Variants in ADAM7 observed in about 807,000 individuals in gnomAD.
ADAM7 encodes the protein disintegrin and metalloproteinase domain-containing protein 7.
In ADAM7, 97 loss-of-function variants were observed where a neutral mutation model predicts 102.9. That is an observed-to-expected ratio of 0.94 (90% confidence interval 0.80 to 1.12). The LOEUF is 1.12. Among genes scored for constraint, ADAM7 ranks in the 50% most tolerant of loss-of-function variants. The pLI is 0.00. For synonymous variants in ADAM7, 334 were observed against 304.4 expected (o/e 1.10, Z -1.01); for missense variants, 991 against 908.7 (o/e 1.09, Z -1.16).
chr8:24,504,700 G>A lies in ADAM7; in HGVS notation c.2209-2780G>A, dbSNP rs139329141. 1.9e-3 allele frequency among the ~76,000 whole-genome samples: 287 copies of A among 152,088 alleles called. 7 individuals carry two copies. The East Asian group carries it at 0.047, about 25-fold the overall frequency. ...CCAGAGGTTTCGAATGCTTTGCCAC[G>A]GCTTTAGGCATGCCATAAGCCTTGT... is the stretch of plus-strand genomic sequence containing the variant. On this transcript the variant is annotated intron_variant, in intron 20 of 21. Transcript: ENST00000175238.
intron 6 of ADAM7, among the ~76,000 whole-genome samples, chr8:24,468,256 G>A (rs758512341): frequency 6.0e-4 from 90 of 150,958 alleles, no homozygotes; most frequent in African/African-American, 2.1e-3. Context: ...TGTTTTTCAC[G>A]TGAGCTTACT....
intron 3 of ADAM7, among the ~76,000 whole-genome samples, chr8:24,454,259 GA>G (rs1818915242): frequency 6.6e-6 from 1 of 152,258 alleles, no homozygotes. Context: ...CCCAGAGGTG[GA>G]GCCTACAGAG....
chr8:24,474,360 A>C (rs1277965284), intron 7 of ADAM7, among the ~76,000 whole-genome samples: 2 of 152,294 alleles, frequency 1.3e-5, no homozygotes, highest in African/African-American at 2.4e-5. Context: ...TAGGTTATTA[A>C]AATTTTTACT....
chr8:24,473,931 C>T (rs1819688268), intron 7 of ADAM7, among the ~76,000 whole-genome samples: 1 of 151,872 alleles, frequency 6.6e-6, no homozygotes, highest in Admixed American at 6.6e-5. Flanking sequence ...TAATTCAACA[C>T]TCATTCATAA....
chr8:24,501,647 T>A, intron 20 of ADAM7, 71 bp downstream of exon 20: 1 of 1,180,924 alleles, frequency 8.5e-7, no homozygotes, highest in Non-Finnish European at 1.2e-6. Flanking sequence ...GTGTTTAAAG[T>A]AGAACCCGTC....
Position 24,492,549 on chromosome 8 carries a change from T to A in ADAM7, c.1607T>A (p.Phe536Tyr). ...CYKMNTKGNKFGYCKNKENRF... is the reference protein window; with the variant it reads ...CYKMNTKGNKYGYCKNKENRF... ...AAGATGAATACAAAAGGAAATAAATTTGGATACTGCAAAAACAAGGAAAAC... is the reference window on the plus strand; with the variant it reads ...AAGATGAATACAAAAGGAAATAAATATGGATACTGCAAAAACAAGGAAAAC... The change falls in exon 15 of 22, where the codon TTT (phenylalanine) becomes TAT (tyrosine). Residue 536 changes from phenylalanine (F) to tyrosine (Y), a missense_variant. Phe to Tyr is a conservative substitution (Grantham distance 22, BLOSUM62 3). Transcript: ENST00000175238. The A allele has an allele frequency of 1.2e-6, 2 of 1,613,114 alleles. No homozygotes were observed. Among genetic ancestry groups the A allele is most frequent in the Non-Finnish European group, 1.7e-6 (2 of 1,179,412 alleles).
intron 5 of ADAM7, 88 bp from the exon 6 acceptor site, chr8:24,466,711 G>T (rs1819437782): frequency 8.0e-7 from 1 of 1,253,890 alleles, no homozygotes; most frequent in South Asian, 1.5e-5. Flanking sequence ...TGGCTTTGTG[G>T]TTTCTCTTTC....
Position 24,447,201 on chromosome 8 carries a change from G to C in ADAM7, c.172G>C (p.Glu58Gln). The change falls in exon 3 of 22, where the codon GAA becomes CAA. Residue 58 changes from glutamate to glutamine, a missense_variant. By Grantham distance (29) the Glu-to-Gln change is conservative. Transcript: ENST00000175238. ...DDDILKTYEE[E>Q]LLYEIKLNRK... ...TCTTTTTTAGAAAACGTATGAAGAA[G>C]AATTGTTGTATGAAATAAAACTAAA... 6.5e-7 allele frequency: 1 copy of C among 1,550,304 alleles called. No individual in the cohort carries two copies. Among genetic ancestry groups the C allele is most frequent in the Non-Finnish European group, 8.8e-7 (1 of 1,135,924 alleles).
chr8:24,504,229 A>T (rs1356960711), intron 20 of ADAM7, among the ~76,000 whole-genome samples: 1 of 151,678 alleles, frequency 6.6e-6, no homozygotes, highest in Non-Finnish European at 1.5e-5. Context: ...AGCCAAACAT[A>T]ATGGTGCACA....
Position 24,456,503 on chromosome 8 carries a change from G to T in ADAM7, c.234-7379G>T, listed in dbSNP as rs184532882. ...TACGTAAACACCCACAAGTGGAATT[G>T]CTGGGTCCATCCATTGAGCTCTGGC... On this transcript the variant is annotated intron_variant, in intron 3 of 21. Coordinates refer to ENST00000175238, the MANE Select transcript of ADAM7 (RefSeq NM_003817.4). 1.3e-4 allele frequency among the ~76,000 whole-genome samples: 20 copies of T among 152,216 alleles called. No homozygotes were observed. In the East Asian group the frequency reaches 3.7e-3, roughly 28 times the overall value.
At chr8:24,455,648 C>T (rs1022846567) in intron 3 of ADAM7, among the ~76,000 whole-genome samples, 5 of 152,218 alleles carry the variant, frequency 3.3e-5, no homozygotes, top group Non-Finnish European at 1.5e-5. Flanking sequence ...TCAAGCAGTC[C>T]TCCTGCCTTG....
chr8:24,492,539 G>T lies in ADAM7; in HGVS notation c.1597G>T (p.Gly533Ter), dbSNP rs1275917964. The change falls in exon 15 of 22, where the codon GGA becomes TGA. Residue 533 changes from glycine (G) to a stop codon, truncating the protein, a stop_gained. Transcript: ENST00000175238. LOFTEE classifies it high-confidence loss of function. ...HDICYKMNTK[G>*]NKFGYCKNKE... ...TATCTGCTACAAGATGAATACAAAA[G>T]GAAATAAATTTGGATACTGCAAAAA... The T allele has an allele frequency of 6.2e-7, 1 of 1,612,504 alleles. No individual in the cohort carries two copies. The highest frequency in any genetic ancestry group is 1.3e-5 in the African/African-American group (1 of 74,824).
At chr8:24,477,962 G>A (rs1321579613) in intron 8 of ADAM7, among the ~76,000 whole-genome samples, 1 of 152,030 alleles carries the variant, frequency 6.6e-6, no homozygotes, top group Non-Finnish European at 1.5e-5. Context: ...CTCTCTTATA[G>A]TTTCCACCTC....
At chr8:24,505,871 G>A (rs1468314156) in intron 20 of ADAM7, among the ~76,000 whole-genome samples, 1 of 152,136 alleles carries the variant, frequency 6.6e-6, no homozygotes, top group African/African-American at 2.4e-5. Flanking sequence ...CAGTCAATTA[G>A]CGATAGTAAG....
intron 11 of ADAM7, among the ~76,000 whole-genome samples, chr8:24,487,672 T>C (rs1820191091): frequency 6.6e-6 from 1 of 150,996 alleles, no homozygotes; most frequent in South Asian, 2.1e-4. Flanking sequence ...GAAAAAAATA[T>C]GTTTCAAAAG....
At chr8:24,490,693 C>T (rs1372124627) in intron 12 of ADAM7, 106 bp from the exon 13 acceptor site, 8 of 1,071,434 alleles carry the variant, frequency 7.5e-6, no homozygotes, top group South Asian at 7.4e-5. Context: ...AATCATGCAT[C>T]ACTATTTAAC....
intron 3 of ADAM7, among the ~76,000 whole-genome samples, chr8:24,450,795 A>C (rs1291203547): frequency 4.6e-5 from 7 of 152,062 alleles, no homozygotes; most frequent in Admixed American, 4.6e-4. Context: ...TTTGTCATGG[A>C]TAGCTCTTAT....
chr8:24,468,371 A>G (rs574083307), intron 6 of ADAM7, among the ~76,000 whole-genome samples: 10 of 152,164 alleles, frequency 6.6e-5, no homozygotes, highest in Non-Finnish European at 1.2e-4. Context: ...TAAACAAAGC[A>G]TTAGGAAAAA....
At chr8:24,452,309 A>G (rs899830676) in intron 3 of ADAM7, among the ~76,000 whole-genome samples, 43 of 149,644 alleles carry the variant, frequency 2.9e-4, no homozygotes, top group African/African-American at 1.0e-3. Flanking sequence ...GTCACTCAGG[A>G]CTTGCTTTAC....
Sources: allele counts gnomAD v4.1 joint callset (sites outside exome capture counted in the v4.1 genomes callset), GRCh38; gene constraint gnomAD v4.1.1; transcripts MANE v1.5; gene names NCBI Gene and HGNC (gene_info 2026-07-23, HGNC 2026-07-21).